DHX15: variants seen among roughly 807,000 people sequenced by gnomAD.
DHX15 encodes ATP-dependent RNA helicase DHX15.
A neutral mutation model predicts 94.4 loss-of-function variants in DHX15; 11 were observed. The observed-to-expected ratio is 0.12, with a 90% CI of 0.07 to 0.19. The LOEUF (loss-of-function observed/expected upper bound fraction) is 0.19. Among genes scored for constraint, DHX15 ranks in the 10% least tolerant of loss-of-function variants. DHX15 has a pLI of 1.00. For synonymous variants in DHX15, 338 were observed against 329.9 expected (o/e 1.02, Z -0.27); for missense variants, 304 against 988.5 (o/e 0.31, Z 9.29).
chr4:24,581,123 C>T (rs1251822163), intron 1 of DHX15, among the ~76,000 whole-genome samples: 3 of 151,836 alleles, frequency 2.0e-5, no homozygotes, highest in Non-Finnish European at 2.9e-5. Context: ...CTCCGCCTCC[C>T]GGGTTCATAC....
At position 24,532,922 on chromosome 4, in the gene DHX15, G is replaced by A. The variant is rs1167016564; in HGVS notation, c.2042C>T (p.Thr681Ile). ...FNLPRRSTDF[T>I]SRDYYINIRK... is the part of the protein sequence containing the mutation. ...TATATTAATATAATAGTCCCTGCTT[G>A]TAAAGTCAGTACTTCGACGAGGCAA... is the stretch of plus-strand genomic sequence containing the variant. Residue 681 changes from threonine to isoleucine, a missense_variant, in exon 12 of 14, where the codon ACA (threonine) becomes ATA (isoleucine). Physicochemically the swap from Thr to Ile is moderately conservative, Grantham distance 89 (BLOSUM62 -1). This residue lies in a region of DHX15 where 44 missense variants were observed against 236.7 expected (regional missense o/e 0.19). Coordinates refer to ENST00000336812, the MANE Select transcript of DHX15 (RefSeq NM_001358.3). 1 of 1,613,834 alleles carries A rather than the reference G, an allele frequency of 6.2e-7. No individual in the cohort carries two copies. The highest frequency in any genetic ancestry group is 8.5e-7 in the Non-Finnish European group (1 of 1,179,904).
chr4:24,534,917 T>C (rs1415419597), intron 11 of DHX15, among the ~76,000 whole-genome samples: 1 of 151,426 alleles, frequency 6.6e-6, no homozygotes, highest in East Asian at 1.9e-4. Context: ...TATGGATATA[T>C]CGAAATAATA....
chr4:24,564,257 A>C (rs916914271), intron 3 of DHX15, among the ~76,000 whole-genome samples: 1 of 152,168 alleles, frequency 6.6e-6, no homozygotes, highest in Non-Finnish European at 1.5e-5. Context: ...GTATTTTTTA[A>C]AAGAAACATA....
At chr4:24,565,999 T>C (rs942727330) in intron 3 of DHX15, among the ~76,000 whole-genome samples, 2 of 152,022 alleles carry the variant, frequency 1.3e-5, no homozygotes, top group African/African-American at 4.8e-5. Flanking sequence ...CTAGAGGCTA[T>C]GCTCTAGGAT....
At chr4:24,547,721 A>AG (rs1025997580) in intron 6 of DHX15, among the ~76,000 whole-genome samples, 2 of 151,316 alleles carry the variant, frequency 1.3e-5, no homozygotes, top group Admixed American at 6.6e-5. Flanking sequence ...GAGGCCCAGG[A>AG]GGGGGGACTG....
At position 24,547,916 on chromosome 4, in the gene DHX15, T is replaced by TCTAC. The variant is rs1560765778; in HGVS notation, c.1248+938_1248+939insGTAG. On this transcript the variant is annotated intron_variant, in intron 6 of 13. Transcript: ENST00000336812. ...ATGTATGTATGTGTATATATATATA[T>TCTAC]ATATATATATATATATATATATATA... Among the ~76,000 whole-genome samples the TCTAC allele has an allele frequency of 2.1e-3, 104 of 50,534 alleles. 2 individuals carry two copies. Among genetic ancestry groups the TCTAC allele is most frequent in the African/African-American group, 8.5e-3 (97 of 11,356 alleles). 33.2% of individuals were successfully genotyped at this position (50,534 alleles called of 152,430 possible). A position where few individuals can be genotyped will look rare whatever the true frequency, so the allele number is the denominator to read the frequency against.
rs76337102 is a variant in DHX15 at position 24,534,771 on chromosome 4, T to C, written c.1910-1717A>G. Among the ~76,000 whole-genome samples, 589 of 152,292 alleles carry C rather than the reference T, an allele frequency of 3.9e-3. 3 individuals carry two copies. Among genetic ancestry groups the C allele is most frequent in the African/African-American group, 0.013 (547 of 41,570 alleles). ...TTAGCTTCACTATGTAATCAACTAT[T>C]GTCTCTAATGCAAAACATCTTGACC... On this transcript the variant is annotated intron_variant, in intron 11 of 13. Coordinates refer to ENST00000336812, the MANE Select transcript of DHX15 (RefSeq NM_001358.3).
At chr4:24,584,124 C>A (rs1722547871) in intron 1 of DHX15, 199 bp downstream of exon 1, 3 of 589,804 alleles carry the variant, frequency 5.1e-6, no homozygotes, top group Non-Finnish European at 8.8e-6. Context: ...GGGCAGCGGC[C>A]CCGTCGCACG....
At chr4:24,559,829 C>T (rs1489666832) in intron 3 of DHX15, among the ~76,000 whole-genome samples, 1 of 152,124 alleles carries the variant, frequency 6.6e-6, no homozygotes, top group Non-Finnish European at 1.5e-5. Flanking sequence ...GAAGGTGAGG[C>T]ATAGCAATCT....
intron 11 of DHX15, among the ~76,000 whole-genome samples, chr4:24,536,358 A>G (rs1485054968): frequency 6.6e-6 from 1 of 152,212 alleles, no homozygotes; most frequent in African/African-American, 2.4e-5. Flanking sequence ...ACCAAAAAAT[A>G]ACTTTCTAAA....
chr4:24,584,067 G>A, intron 1 of DHX15: 1 of 510,296 alleles, frequency 2.0e-6, no homozygotes, highest in Non-Finnish European at 3.4e-6. Flanking sequence ...TGGGGGAGGA[G>A]GCGCCCTCAT....
At chr4:24,583,523 T>G (rs1442275473) in intron 1 of DHX15, among the ~76,000 whole-genome samples, 1 of 150,968 alleles carries the variant, frequency 6.6e-6, no homozygotes, top group African/African-American at 2.4e-5. Flanking sequence ...CGATGTTCAG[T>G]AACCAGTTTT....
intron 6 of DHX15, among the ~76,000 whole-genome samples, chr4:24,547,939 A>ATC (rs1721482166): frequency 3.7e-5 from 1 of 27,178 alleles, no homozygotes; most frequent in African/African-American, 1.9e-4. Flanking sequence ...ATATATATAT[A>ATC]TATCTATATC....
chr4:24,529,801 C>T, intron 12 of DHX15, 31 bp from the exon 13 acceptor site: 1 of 1,610,320 alleles, frequency 6.2e-7, no homozygotes, highest in South Asian at 1.1e-5. Flanking sequence ...ATTATTAATA[C>T]AATGCTTCTG....
chr4:24,548,834 A>G (rs564947703), intron 6 of DHX15, 21 bp downstream of exon 6: 145 of 1,598,734 alleles, frequency 9.1e-5, no homozygotes, highest in Non-Finnish European at 8.4e-5. Flanking sequence ...AAATATTTAT[A>G]AAGAGCATTT....
intron 1 of DHX15, among the ~76,000 whole-genome samples, chr4:24,583,058 A>C (rs1208621081): frequency 6.6e-6 from 1 of 152,234 alleles, no homozygotes; most frequent in African/African-American, 2.4e-5. Flanking sequence ...CCTGGAAATC[A>C]ATTTCAATGA....
chr4:24,528,184 T>C (rs1231519077), intron 13 of DHX15, 143 bp from the exon 14 acceptor site: 2 of 592,506 alleles, frequency 3.4e-6, no homozygotes, highest in Non-Finnish European at 6.0e-6. Flanking sequence ...TACAAATAAC[T>C]AATCCTTACA....
At chr4:24,557,739 TCA>T (rs953170509) in intron 3 of DHX15, among the ~76,000 whole-genome samples, 6 of 152,158 alleles carry the variant, frequency 3.9e-5, no homozygotes, top group African/African-American at 1.4e-4. Flanking sequence ...AAATTATGAC[TCA>T]GTGCCTTAAA....
intron 13 of DHX15, among the ~76,000 whole-genome samples, chr4:24,528,898 AAAAACAAAAC>A (rs1310159520): frequency 3.3e-5 from 5 of 151,512 alleles, no homozygotes; most frequent in Non-Finnish European, 7.3e-5. Context: ...AAAAATGTTA[AAAAACAAAAC>A]AAAACAAAAA....
Sources: gnomAD v4.1 joint callset for allele counts (sites outside exome capture counted in the v4.1 genomes callset) on GRCh38, gnomAD v4.1.1 for gene constraint, gnomAD v4.1.1 regional missense constraint, MANE v1.5 for transcripts, NCBI Gene and HGNC (gene_info 2026-07-23, HGNC 2026-07-21) for gene names.